The following ROR2 variants were observed in gnomAD, a reference collection of about 807,000 sequenced individuals.
ROR2 encodes tyrosine-protein kinase transmembrane receptor ROR2.
ROR2 carries 33 observed loss-of-function variants against 74.9 expected under a neutral mutation model. That is an observed-to-expected ratio of 0.44 (90% CI 0.33 to 0.59). The LOEUF is 0.59. ROR2 is among the 20% of genes least tolerant of loss of function. ROR2 has a pLI of 0.02. For synonymous variants in ROR2, 586 were observed against 558.7 expected (o/e 1.05, Z -0.69); for missense variants, 1,216 against 1,313.8 (o/e 0.93, Z 1.15).
chr9:91,727,387 G>T (rs1837078369), intron 7 of ROR2, among the ~76,000 whole-genome samples: 1 of 150,702 alleles, frequency 6.6e-6, no homozygotes, highest in East Asian at 1.9e-4. Flanking sequence ...AAGGCCACCA[G>T]CTACCTTCCC....
intron 1 of ROR2, among the ~76,000 whole-genome samples, chr9:91,901,019 G>A (rs1002025259): frequency 1.3e-5 from 2 of 152,278 alleles, no homozygotes; most frequent in East Asian, 1.9e-4. Flanking sequence ...AGCTGCACAA[G>A]GGGCCCCTCA....
In ROR2 at chr9:91,905,429, A is replaced by G. The variant is rs949096482; in HGVS notation, c.97+44438T>C. Among the ~76,000 whole-genome samples the G allele has an allele frequency of 6.6e-6, 1 of 151,762 alleles. No homozygotes were observed. Among genetic ancestry groups the G allele is most frequent in the Non-Finnish European group, 1.5e-5 (1 of 67,898 alleles). On this transcript the variant is annotated intron_variant, in intron 1 of 8. Transcript: ENST00000375708. The surrounding 1 kb of genome is among the most constrained non-coding windows in gnomAD (Gnocchi z 5.3). ...AAACTATACAAATGTCACATCACAC[A>G]AAGATGACAACACAACCCAACACAC...
intron 1 of ROR2, among the ~76,000 whole-genome samples, chr9:91,882,278 G>A (rs770752653): frequency 6.6e-6 from 1 of 152,016 alleles, no homozygotes; most frequent in African/African-American, 2.4e-5. Flanking sequence ...AGGCATGGTG[G>A]CGGGTGCCTG....
chr9:91,780,204 C>T (rs1826563340), intron 1 of ROR2, among the ~76,000 whole-genome samples: 1 of 151,990 alleles, frequency 6.6e-6, no homozygotes, highest in Non-Finnish European at 1.5e-5. Context: ...AGTGAAACCC[C>T]GTCTCTACTA....
intron 1 of ROR2, among the ~76,000 whole-genome samples, chr9:91,851,698 C>G (rs959273240): frequency 1.3e-5 from 2 of 152,004 alleles, no homozygotes; most frequent in African/African-American, 4.8e-5. Context: ...GTTTTCTGGC[C>G]GGGCATGGTG....
rs757089877 is a variant in ROR2, at chr9:91,724,530, G to A, written c.1964C>T (p.Pro655Leu). The A allele has an allele frequency of 6.2e-7, 1 of 1,614,096 alleles. No homozygotes were observed. Among genetic ancestry groups the A allele is most frequent in the African/African-American group, 1.3e-5 (1 of 74,940 alleles). ...YYKLLGNSLL[P>L]IRWMAPEAIM... Reference sequence around the variant, plus strand: ...GGCCTCTGGGGCCATCCAGCGGATAGGCAGCAGCGAGTTCCCCAGCAGCTT... The same window carrying A: ...GGCCTCTGGGGCCATCCAGCGGATAAGCAGCAGCGAGTTCCCCAGCAGCTT... Residue 655 changes from proline to leucine, a missense_variant, in exon 9 of 9, where the codon CCT becomes CTT. By Grantham distance (98) the Pro-to-Leu change is moderately conservative (BLOSUM62 -3). Transcript: ENST00000375708.
intron 1 of ROR2, among the ~76,000 whole-genome samples, chr9:91,862,982 A>C (rs1829516119): frequency 2.0e-5 from 3 of 152,270 alleles, no homozygotes; most frequent in Admixed American, 6.5e-5. Context: ...CAACATCATT[A>C]GCCATCCGTG....
chr9:91,739,502 G>A (rs887078912), intron 4 of ROR2, among the ~76,000 whole-genome samples: 3 of 106,686 alleles, frequency 2.8e-5, no homozygotes, highest in African/African-American at 1.2e-4. Context: ...GCAAGACCCT[G>A]TCTTTAAATT....
chr9:91,762,048 T>C (rs1329382956), intron 2 of ROR2, among the ~76,000 whole-genome samples: 1 of 152,166 alleles, frequency 6.6e-6, no homozygotes, highest in East Asian at 1.9e-4. Context: ...TGGCTTTCCG[T>C]GTGGTGAGCA....
At chr9:91,881,904 AGGAGTAGGAG>A in intron 1 of ROR2, among the ~76,000 whole-genome samples, 1 of 152,326 alleles carries the variant, frequency 6.6e-6, no homozygotes, top group Non-Finnish European at 1.5e-5. Flanking sequence ...GTTCTACTAA[AGGAGTAGGAG>A]GGCAGGCGAG....
intron 4 of ROR2, 125 bp downstream of exon 4, chr9:91,755,946 T>G: frequency 1.0e-6 from 1 of 992,820 alleles, no homozygotes; most frequent in Non-Finnish European, 1.6e-6. Flanking sequence ...CACCCCTGTG[T>G]GAAGCCCAGC....
In ROR2 at chr9:91,757,261, G is replaced by T. The variant is rs112629828; in HGVS notation, c.463+11C>A. ...ATCTGCTAACCCACACAATTTCACT[G>T]TCCAACTCACCCAGCCGCACAAACA... On this transcript the variant is annotated intron_variant, in intron 3 of 8. Coordinates refer to ENST00000375708, the MANE Select transcript of ROR2 (RefSeq NM_004560.4). The T allele has an allele frequency of 1.3e-4, 209 of 1,613,784 alleles. No homozygotes were observed. In the Middle Eastern group the frequency reaches 2.1e-3, roughly 17 times the overall value.
At chr9:91,767,320 G>A (rs755104994) in intron 2 of ROR2, among the ~76,000 whole-genome samples, 10 of 152,160 alleles carry the variant, frequency 6.6e-5, no homozygotes, top group South Asian at 2.1e-4. Flanking sequence ...TGATCCACCC[G>A]CCTCAGCCTC....
intron 1 of ROR2, among the ~76,000 whole-genome samples, chr9:91,866,833 A>G (rs183968828): frequency 6.6e-6 from 1 of 152,318 alleles, no homozygotes; most frequent in African/African-American, 2.4e-5. Context: ...CAAAAGTTCT[A>G]TGGGGCAGAA....
intron 1 of ROR2, among the ~76,000 whole-genome samples, chr9:91,935,294 TC>T (rs1831653671): frequency 6.6e-6 from 1 of 152,192 alleles, no homozygotes; most frequent in Non-Finnish European, 1.5e-5. Context: ...CCCTGCGGGC[TC>T]CACAAAAGCT....
At chr9:91,903,467 G>A (rs930671745) in intron 1 of ROR2, among the ~76,000 whole-genome samples, 3 of 151,886 alleles carry the variant, frequency 2.0e-5, no homozygotes, top group Admixed American at 2.0e-4. Flanking sequence ...AAGTCGATTC[G>A]TTGTGTCTTT....
chr9:91,794,669 C>T (rs1252869749), intron 1 of ROR2, among the ~76,000 whole-genome samples: 1 of 152,040 alleles, frequency 6.6e-6, no homozygotes, highest in East Asian at 1.9e-4. Flanking sequence ...TCACTGCAAC[C>T]TCTGCCTCCC....
chr9:91,947,862 A>T (rs964510458), intron 1 of ROR2, among the ~76,000 whole-genome samples: 2 of 152,190 alleles, frequency 1.3e-5, no homozygotes, highest in South Asian at 4.1e-4. Flanking sequence ...CCAAACACTC[A>T]AATCTCCTGT....
At chr9:91,855,954 A>G (rs1829270435) in intron 1 of ROR2, among the ~76,000 whole-genome samples, 1 of 152,202 alleles carries the variant, frequency 6.6e-6, no homozygotes, top group Admixed American at 6.5e-5. Flanking sequence ...CCAGAGAGGC[A>G]GAAATAAACA....
Sources: gnomAD v4.1 joint callset for allele counts (sites outside exome capture counted in the v4.1 genomes callset) on GRCh38, gnomAD v4.1.1 for gene constraint, Gnocchi (gnomAD v3.1) non-coding constraint, MANE v1.5 for transcripts, NCBI Gene and HGNC (gene_info 2026-07-23, HGNC 2026-07-21) for gene names.